Variants in ADAMTSL1 observed in about 807,000 individuals in gnomAD.
ADAMTSL1 encodes ADAMTS-like protein 1.
ADAMTSL1 carries 126 observed loss-of-function variants against 201.8 expected under a neutral mutation model. The ratio of observed to expected loss-of-function variants is 0.62; its 90% CI spans 0.54 to 0.72. ADAMTSL1 has a LOEUF of 0.72. Ranked by LOEUF, ADAMTSL1 falls within the 30% of genes least tolerant of loss-of-function variation. The pLI is 0.00. For missense variants in ADAMTSL1, 2,679 were observed against 2,277.8 expected (o/e 1.18, Z -3.59); for synonymous variants, 1,121 against 903.4 (o/e 1.24, Z -4.32).
At chr9:18,132,708 T>TC (rs1053460352) in intron 1 of ADAMTSL1, among the ~76,000 whole-genome samples, 13 of 152,174 alleles carry the variant, frequency 8.5e-5, no homozygotes, top group African/African-American at 3.1e-4. Flanking sequence ...GTACCCTTTT[T>TC]CCCCCCTTTC....
chr9:18,716,628 A>T (rs1403883104), intron 14 of ADAMTSL1, among the ~76,000 whole-genome samples: 1 of 141,028 alleles, frequency 7.1e-6, no homozygotes, highest in Non-Finnish European at 1.5e-5. Flanking sequence ...AAACACTTTT[A>T]CACTGTTGGT....
chr9:18,661,439 T>G (rs1201878972), intron 8 of ADAMTSL1, among the ~76,000 whole-genome samples: 1 of 152,162 alleles, frequency 6.6e-6, no homozygotes, highest in Non-Finnish European at 1.5e-5. Flanking sequence ...TTCCCAGGCA[T>G]CTGGTGGAAC....
intron 1 of ADAMTSL1, among the ~76,000 whole-genome samples, chr9:18,492,203 A>C (rs886549307): frequency 5.3e-5 from 8 of 152,198 alleles, no homozygotes; most frequent in African/African-American, 1.9e-4. Flanking sequence ...GATATAGCAC[A>C]TTATAATACA....
intron 2 of ADAMTSL1, among the ~76,000 whole-genome samples, chr9:18,376,868 G>A (rs1837319320): frequency 6.6e-6 from 1 of 152,128 alleles, no homozygotes. Flanking sequence ...CTATTTGATT[G>A]ACCACATGTC....
Position 18,058,780 on chromosome 9 carries a change from T to C in ADAMTSL1, c.88-105082T>C, listed in dbSNP as rs76354918. 5.5e-3 allele frequency among the ~76,000 whole-genome samples: 832 copies of C among 152,336 alleles called. 11 individuals carry two copies. The highest frequency in any genetic ancestry group is 0.024 in the Middle Eastern group (7 of 294). On this transcript the variant is annotated intron_variant, in intron 1 of 29. Coordinates refer to the ADAMTSL1 transcript ENST00000680146. ...TGTGTCTCTACACCATTTTCTTTTATGAATAAGCCAAGCAGGGATGTTTGC... is the reference window on the plus strand; with the variant it reads ...TGTGTCTCTACACCATTTTCTTTTACGAATAAGCCAAGCAGGGATGTTTGC...
intron 2 of ADAMTSL1, among the ~76,000 whole-genome samples, chr9:18,191,369 C>T (rs1828962211): frequency 6.6e-6 from 1 of 152,160 alleles, no homozygotes; most frequent in South Asian, 2.1e-4. Flanking sequence ...ACAGGCCCTG[C>T]ATTGACTGGG....
chr9:18,343,885 A>G (rs1443808425), intron 2 of ADAMTSL1, among the ~76,000 whole-genome samples: 1 of 152,134 alleles, frequency 6.6e-6, no homozygotes, highest in South Asian at 2.1e-4. Context: ...TTATGTCTGA[A>G]AAATGTGATA....
At chr9:18,577,686 AC>A (rs1714413403) in intron 4 of ADAMTSL1, among the ~76,000 whole-genome samples, 1 of 152,076 alleles carries the variant, frequency 6.6e-6, no homozygotes, top group African/African-American at 2.4e-5. Flanking sequence ...AATGTAGAAG[AC>A]TCTGAAAATT....
At chr9:18,134,917 A>C (rs746824376) in intron 1 of ADAMTSL1, among the ~76,000 whole-genome samples, 1 of 152,178 alleles carries the variant, frequency 6.6e-6, no homozygotes, top group South Asian at 2.1e-4. Context: ...CACAACTTCA[A>C]TAACTGTAAG....
At chr9:18,844,661 C>T (rs1440698723) in intron 23 of ADAMTSL1, among the ~76,000 whole-genome samples, 3 of 152,228 alleles carry the variant, frequency 2.0e-5, no homozygotes, top group Non-Finnish European at 4.4e-5. Context: ...CAGAGGCAGG[C>T]AGGCCTCCTT....
chr9:18,512,984 C>T (rs900468484), intron 2 of ADAMTSL1, among the ~76,000 whole-genome samples: 1 of 152,040 alleles, frequency 6.6e-6, no homozygotes, highest in African/African-American at 2.4e-5. Context: ...GAACCTAATC[C>T]CTATACCACA....
chr9:18,480,343 A>C (rs1385160117), intron 1 of ADAMTSL1, among the ~76,000 whole-genome samples: 2 of 151,738 alleles, frequency 1.3e-5, no homozygotes, highest in African/African-American at 4.9e-5. Context: ...CTGATCCCTC[A>C]GCCTATGTGA....
intron 23 of ADAMTSL1, among the ~76,000 whole-genome samples, chr9:18,869,595 C>T (rs535130899): frequency 1.3e-5 from 2 of 152,262 alleles, no homozygotes; most frequent in Admixed American, 6.5e-5. Context: ...ATGAAAATTC[C>T]GGGTTCACCA....
intron 1 of ADAMTSL1, among the ~76,000 whole-genome samples, chr9:18,084,627 C>T (rs1823661057): frequency 6.6e-6 from 1 of 152,054 alleles, no homozygotes; most frequent in Non-Finnish European, 1.5e-5. Context: ...TGAAGAAAAT[C>T]GATCAGTTAC....
intron 5 of ADAMTSL1, among the ~76,000 whole-genome samples, chr9:18,626,379 G>A (rs1025653793): frequency 2.0e-5 from 3 of 152,154 alleles, no homozygotes; most frequent in Non-Finnish European, 2.9e-5. Context: ...ATTTAAACAA[G>A]GATCTAAGGG....
rs1052002190 is a variant in ADAMTSL1, at chr9:18,283,549, T to C, written c.207+119568T>C. 2.9e-5 allele frequency among the ~76,000 whole-genome samples: 4 copies of C among 136,770 alleles called. No individual in the cohort carries two copies. The East Asian group carries it at 8.5e-4, about 29-fold the overall frequency. 89.7% of individuals were successfully genotyped at this position (136,770 alleles called of 152,430 possible). A position where few individuals can be genotyped will look rare whatever the true frequency, so the allele number is the denominator to read the frequency against. ...TGAGCCTGGGAAGTTGAGGCTGCAG[T>C]GAGCCATGATTGCACCACTGCAAAC... On this transcript the variant is annotated intron_variant, in intron 2 of 29. Transcript: ENST00000680146.
intron 2 of ADAMTSL1, among the ~76,000 whole-genome samples, chr9:18,183,225 T>C (rs1039658786): frequency 6.6e-6 from 1 of 152,110 alleles, no homozygotes; most frequent in Non-Finnish European, 1.5e-5. Flanking sequence ...TTCACAAAAA[T>C]TAATTCAAAA....
intron 2 of ADAMTSL1, among the ~76,000 whole-genome samples, chr9:18,250,306 A>T (rs529396830): frequency 6.6e-6 from 1 of 152,282 alleles, no homozygotes; most frequent in South Asian, 2.1e-4. Flanking sequence ...CCAGTATTTC[A>T]TGTGTTCAAA....
chr9:18,204,099 AC>A lies in ADAMTSL1; in HGVS notation c.207+40119del, dbSNP rs1390084723. On this transcript the variant is annotated intron_variant, in intron 2 of 29. Coordinates refer to the ADAMTSL1 transcript ENST00000680146. ...AAACTAATGATACTATTTATTATCTACTGTGGGCTAGCTGCTCTTTGGACAT... is the reference window on the plus strand; with the variant it reads ...AAACTAATGATACTATTTATTATCTATGTGGGCTAGCTGCTCTTTGGACAT... 2.0e-5 allele frequency among the ~76,000 whole-genome samples: 3 copies of A among 152,266 alleles called. No individual in the cohort carries two copies. The East Asian group carries it at 5.8e-4, about 29-fold the overall frequency.
Sources: allele counts gnomAD v4.1 joint callset (sites outside exome capture counted in the v4.1 genomes callset), GRCh38; gene constraint gnomAD v4.1.1; transcripts MANE v1.5; gene names NCBI Gene and HGNC (gene_info 2026-07-23, HGNC 2026-07-21).